Variants in ANKRD30BL observed in about 807,000 individuals in gnomAD.
ANKRD30BL encodes the protein ankyrin repeat domain 30B like, also known as putative ankyrin repeat domain-containing protein 30B-like.
Under a neutral mutation model 18.4 loss-of-function variants are expected in ANKRD30BL, and 20 were observed. That is an observed-to-expected ratio of 1.09 (90% CI 0.77 to 1.58). ANKRD30BL has a LOEUF of 1.58. ANKRD30BL is among the 40% of genes most tolerant of loss of function. The pLI is 0.00. For synonymous variants in ANKRD30BL, 72 were observed against 100.9 expected (o/e 0.71, Z 1.72); for missense variants, 224 against 268.6 (o/e 0.83, Z 1.16).
intron 1 of ANKRD30BL, among the ~76,000 whole-genome samples, chr2:132,229,233 AGTG>A: frequency 6.6e-6 from 1 of 152,280 alleles, no homozygotes; most frequent in Non-Finnish European, 1.5e-5. Context: ...AGAATCTGCA[AGTG>A]GACCTTTCGA....
At chr2:132,160,565 A>G (rs923143738) in intron 1 of ANKRD30BL, among the ~76,000 whole-genome samples, 1 of 151,198 alleles carries the variant, frequency 6.6e-6, no homozygotes, top group Non-Finnish European at 1.5e-5. Flanking sequence ...CAGCCTCCCA[A>G]GTATCTGGGA....
chr2:132,163,215 C>G (rs951401004), upstream of ANKRD30BL, among the ~76,000 whole-genome samples: 37 of 152,120 alleles, frequency 2.4e-4, no homozygotes, highest in Admixed American at 6.5e-5. Flanking sequence ...CTTTGGGAGA[C>G]CGAGATAGGA....
At chr2:132,255,799 A>T (rs1232148892) in intron 1 of ANKRD30BL, among the ~76,000 whole-genome samples, 4 of 152,192 alleles carry the variant, frequency 2.6e-5, no homozygotes, top group Non-Finnish European at 5.9e-5. Flanking sequence ...ACCCGTGGTC[A>T]CCATGATAGG....
intron 3 of ANKRD30BL, 96 bp downstream of exon 3, chr2:132,156,877 A>C (rs1243810895): frequency 2.2e-6 from 1 of 450,746 alleles, no homozygotes; most frequent in Non-Finnish European, 3.8e-6. Flanking sequence ...GAAAAATAGG[A>C]ATGTTTGAGC....
intron 1 of ANKRD30BL, among the ~76,000 whole-genome samples, chr2:132,246,517 G>A (rs1680504256): frequency 6.6e-6 from 1 of 151,858 alleles, no homozygotes; most frequent in African/African-American, 2.4e-5. Context: ...TGTGATGTGT[G>A]CATTCAACTC....
chr2:132,181,341 G>C (rs1320328203), intron 1 of ANKRD30BL, among the ~76,000 whole-genome samples: 3 of 151,916 alleles, frequency 2.0e-5, no homozygotes, highest in African/African-American at 2.4e-5. Flanking sequence ...GGGCGTGGTG[G>C]TGGGTGCCTG....
chr2:132,165,776 T>C (rs1688178289), upstream of ANKRD30BL, among the ~76,000 whole-genome samples: 1 of 151,566 alleles, frequency 6.6e-6, no homozygotes, highest in African/African-American at 2.4e-5. Context: ...TTTTTTTTTT[T>C]TTTTACATAT....
chr2:132,171,292 A>G (rs1232199812), intron 1 of ANKRD30BL, among the ~76,000 whole-genome samples: 5 of 152,218 alleles, frequency 3.3e-5, no homozygotes, highest in African/African-American at 1.2e-4. Flanking sequence ...TCTGACATAA[A>G]ACATGTATTT....
rs554033922 is a variant in ANKRD30BL, at chr2:132,217,568, G to A, written n.441+39961C>T. On this transcript the variant is annotated intron_variant and non_coding_transcript_variant, in intron 1 of 4. Transcript: ENST00000470729. ...TAGTAGAATCTGCAAGTGGATATTC[G>A]GACCGCTTTGAGGCATTCGTTGGAA... is the stretch of plus-strand genomic sequence containing the variant. Among the ~76,000 whole-genome samples, 629 of 152,098 alleles carry A rather than the reference G, an allele frequency of 4.1e-3. 1 individual carries two copies. The highest frequency in any genetic ancestry group is 0.014 in the African/African-American group (568 of 41,536).
intron 2 of ANKRD30BL, 43 bp from the exon 3 acceptor site, chr2:132,157,189 A>T: frequency 7.9e-7 from 1 of 1,262,208 alleles, no homozygotes; most frequent in Non-Finnish European, 1.1e-6. Flanking sequence ...ATTATAGGAA[A>T]TATAAATAAA....
chr2:132,242,521 T>G (rs1680367012), intron 1 of ANKRD30BL, among the ~76,000 whole-genome samples: 2 of 148,120 alleles, frequency 1.4e-5, no homozygotes. Flanking sequence ...TTGTGGCCTA[T>G]GGTGAAAAAG....
At chr2:132,158,380 G>A (rs1687968521) in intron 1 of ANKRD30BL, among the ~76,000 whole-genome samples, 1 of 151,878 alleles carries the variant, frequency 6.6e-6, no homozygotes, top group East Asian at 1.9e-4. Flanking sequence ...TGTAAATTAG[G>A]TATTTCCAAT....
At chr2:132,204,973 G>T (rs1679181549) in intron 1 of ANKRD30BL, among the ~76,000 whole-genome samples, 1 of 152,178 alleles carries the variant, frequency 6.6e-6, no homozygotes, top group South Asian at 2.1e-4. Flanking sequence ...CAAAGGAAAT[G>T]CTGGAAGTGT....
chr2:132,171,607 A>G (rs1431974388), intron 1 of ANKRD30BL, among the ~76,000 whole-genome samples: 1 of 152,230 alleles, frequency 6.6e-6, no homozygotes, highest in Non-Finnish European at 1.5e-5. Flanking sequence ...TCACATTTCC[A>G]ATTCCCTTTT....
intron 1 of ANKRD30BL, among the ~76,000 whole-genome samples, chr2:132,250,460 G>T (rs1398480321): frequency 6.6e-6 from 1 of 152,176 alleles, no homozygotes; most frequent in Admixed American, 6.5e-5. Context: ...ACTGCTTGTG[G>T]TGCAGCACAC....
intron 1 of ANKRD30BL, among the ~76,000 whole-genome samples, chr2:132,187,184 G>GTTTTTTTTTTTTTT (rs1392451243): frequency 1.6e-4 from 17 of 105,346 alleles, no homozygotes; most frequent in Non-Finnish European, 2.4e-4. Flanking sequence ...TTTTTTTTTT[G>GTTTTTTTTTTTTTT]TTTGTTTTTT....
rs1393939691 is a variant in ANKRD30BL, at chr2:132,161,471, C to T, written c.218+17G>A. On this transcript the variant is annotated intron_variant, in intron 1 of 5. Transcript: ENST00000409867. ...TCCTCCTCCTCCTGCAGCCCCGGCT[C>T]AGGCAGGGCCTGGTACCTCTTCTTC... is the stretch of plus-strand genomic sequence containing the variant. 2.1e-6 allele frequency: 3 copies of T among 1,449,296 alleles called. No homozygotes were observed. The highest frequency in any genetic ancestry group is 2.8e-6 in the Non-Finnish European group (3 of 1,056,976). 89.8% of individuals were successfully genotyped at this position (1,449,296 alleles called of 1,614,324 possible). A position where few individuals can be genotyped will look rare whatever the true frequency, so the allele number is the denominator to read the frequency against.
At chr2:132,188,554 C>CA (rs1461431138) in intron 1 of ANKRD30BL, among the ~76,000 whole-genome samples, 1 of 151,996 alleles carries the variant, frequency 6.6e-6, no homozygotes, top group African/African-American at 2.4e-5. Flanking sequence ...ACTAAAAATA[C>CA]AAAAAATTAG....
At chr2:132,196,299 C>T (rs541981120) in intron 1 of ANKRD30BL, among the ~76,000 whole-genome samples, 8 of 151,914 alleles carry the variant, frequency 5.3e-5, no homozygotes, top group East Asian at 1.9e-4. Flanking sequence ...GCCAACATGG[C>T]GAAACCATAG....
Sources: gnomAD v4.1 joint callset for allele counts (sites outside exome capture counted in the v4.1 genomes callset) on GRCh38, gnomAD v4.1.1 for gene constraint, MANE v1.5 for transcripts, NCBI Gene and HGNC (gene_info 2026-07-23, HGNC 2026-07-21) for gene names.